STAB2: variants seen among roughly 807,000 people sequenced by gnomAD.
The protein encoded by STAB2 is stabilin-2.
STAB2 carries 288 observed loss-of-function variants against 338.1 expected under a neutral mutation model. That is an observed-to-expected ratio of 0.85 (90% CI 0.77 to 0.94). The LOEUF (loss-of-function observed/expected upper bound fraction) is 0.94. Among genes scored for constraint, STAB2 ranks in the 40% least tolerant of loss-of-function variants. The pLI is 0.00. For missense variants in STAB2, 3,141 were observed against 3,210.1 expected, an observed-to-expected ratio of 0.98 and a Z score of 0.52; for synonymous variants, 1,202 against 1,193.3, an observed-to-expected ratio of 1.01 and a Z score of -0.15.
At chr12:103,726,249 GA>G in intron 46 of STAB2, 86 bp downstream of exon 46, 2 of 1,457,212 alleles carry the variant, frequency 1.4e-6, no homozygotes, top group South Asian at 2.4e-5. Context: ...AACACTTTGG[GA>G]GGCCAAGGCG....
Position 103,677,633 on chromosome 12 carries a change from CAA to C in STAB2, c.2805+24_2805+25del, listed in dbSNP as rs781200634. 12 of 1,596,806 alleles carry C rather than the reference CAA, an allele frequency of 7.5e-6. No homozygotes were observed. The Admixed American group carries it at 1.0e-4, about 13-fold the overall frequency. On this transcript the variant is annotated intron_variant, in intron 25 of 68. Coordinates refer to ENST00000388887, the MANE Select transcript of STAB2 (RefSeq NM_017564.10). The stretch of plus-strand genomic sequence containing the variant: ...GCAGGTAGGTTGGATGTCATGAGAG[CAA>C]AGAGAAAGCAGGAATCCTGCAGTGA...
At chr12:103,687,969 C>A (rs970323588) in intron 27 of STAB2, among the ~76,000 whole-genome samples, 199 bp from the exon 28 acceptor site, 2 of 152,198 alleles carry the variant, frequency 1.3e-5, no homozygotes, top group African/African-American at 2.4e-5. Flanking sequence ...AAGAAATGTG[C>A]GGTTCTGTCA....
chr12:103,627,805 T>C (rs971564030), intron 5 of STAB2, among the ~76,000 whole-genome samples: 2 of 152,252 alleles, frequency 1.3e-5, no homozygotes, highest in Non-Finnish European at 2.9e-5. Context: ...AGGAGCCCTC[T>C]GTGCCCCTCA....
intron 34 of STAB2, among the ~76,000 whole-genome samples, chr12:103,701,390 A>C (rs911022375): frequency 2.0e-5 from 3 of 152,152 alleles, no homozygotes; most frequent in Non-Finnish European, 4.4e-5. Context: ...GGCTGGGTCA[A>C]ATGGTATTTC....
intron 41 of STAB2, among the ~76,000 whole-genome samples, chr12:103,712,857 A>G (rs370928858): frequency 1.9e-4 from 29 of 152,290 alleles, no homozygotes; most frequent in African/African-American, 6.5e-4. Context: ...GGAGCAGACT[A>G]AAAAAGAATT....
Position 103,690,440 on chromosome 12 carries a change from G to A in STAB2, c.3199G>A (p.Gly1067Ser). ...PALIKYHMLL[G>S]TYRVADLQTL... ...TTGTTTCAGGTACCATATGCTACTA[G>A]GCACATACAGAGTGGCAGATCTGCA... The change falls in exon 30 of 69, where the codon GGC (glycine) becomes AGC (serine). Residue 1067 changes from glycine to serine, a missense_variant. By Grantham distance (56) the Gly-to-Ser change is moderately conservative. Transcript: ENST00000388887. The A allele has an allele frequency of 6.2e-7, 1 of 1,613,906 alleles. No individual in the cohort carries two copies. Among genetic ancestry groups the A allele is most frequent in the Admixed American group, 1.7e-5 (1 of 59,996 alleles).
intron 1 of STAB2, among the ~76,000 whole-genome samples, chr12:103,590,457 C>T (rs1956778635): frequency 6.6e-6 from 1 of 152,214 alleles, no homozygotes; most frequent in Non-Finnish European, 1.5e-5. Flanking sequence ...GCAGACATTC[C>T]TGTGGAATCA....
chr12:103,701,837 G>A (rs1878899417), intron 34 of STAB2, among the ~76,000 whole-genome samples: 1 of 152,046 alleles, frequency 6.6e-6, no homozygotes, highest in African/African-American at 2.4e-5. Context: ...AACATTCAGT[G>A]GAAGTTTGAA....
At chr12:103,756,996 AATATATATATATATATATATAT>A (rs869105400) in intron 63 of STAB2, among the ~76,000 whole-genome samples, 3 of 56,382 alleles carry the variant, frequency 5.3e-5, no homozygotes, top group East Asian at 4.9e-4. Context: ...AAGGAGGGAA[AATATATATATATATATATATAT>A]ATATATATAT....
chr12:103,608,432 G>A (rs1028544471), intron 3 of STAB2, among the ~76,000 whole-genome samples: 19 of 152,092 alleles, frequency 1.2e-4, no homozygotes, highest in Admixed American at 7.2e-4. Context: ...ATGAGCCACC[G>A]CGCCCAGCCT....
chr12:103,736,797 T>C (rs1014683042), intron 52 of STAB2, among the ~76,000 whole-genome samples: 4 of 152,150 alleles, frequency 2.6e-5, no homozygotes, highest in Non-Finnish European at 4.4e-5. Flanking sequence ...TTCCTTCCAC[T>C]GAGTCACACT....
intron 19 of STAB2, 108 bp from the exon 20 acceptor site, chr12:103,668,535 G>GT (rs1875388035): frequency 7.0e-6 from 7 of 1,001,316 alleles, no homozygotes; most frequent in Non-Finnish European, 1.1e-5. Flanking sequence ...CTCTCCTGAC[G>GT]TCAGTGGTGA....
intron 18 of STAB2, among the ~76,000 whole-genome samples, chr12:103,665,213 A>G (rs188841741): frequency 1.3e-5 from 2 of 152,348 alleles, no homozygotes; most frequent in South Asian, 2.1e-4. Flanking sequence ...TCTGGAAAGT[A>G]TTTAGGACTA....
intron 30 of STAB2, 101 bp downstream of exon 30, chr12:103,690,639 A>G: frequency 1.0e-6 from 1 of 969,226 alleles, no homozygotes; most frequent in South Asian, 1.7e-5. Context: ...AACATGCGCA[A>G]AACTACAGAG....
chr12:103,666,202 G>T (rs867546397), intron 18 of STAB2, 89 bp from the exon 19 acceptor site: 11 of 1,306,786 alleles, frequency 8.4e-6, no homozygotes, highest in Non-Finnish European at 9.9e-6. Flanking sequence ...TTCCTTCACA[G>T]GGAGGGAAGC....
At chr12:103,675,372 A>G (rs1457822400) in intron 23 of STAB2, among the ~76,000 whole-genome samples, 2 of 152,224 alleles carry the variant, frequency 1.3e-5, no homozygotes, top group Non-Finnish European at 2.9e-5. Flanking sequence ...TGTTGGGGGA[A>G]AAAACCTCTG....
At chr12:103,646,981 C>T (rs1873383740) in intron 9 of STAB2, among the ~76,000 whole-genome samples, 2 of 152,110 alleles carry the variant, frequency 1.3e-5, no homozygotes, top group Non-Finnish European at 2.9e-5. Context: ...GACAAACAGG[C>T]TGAGAAAGGC....
chr12:103,676,315 C>T (rs1053178461), intron 24 of STAB2, among the ~76,000 whole-genome samples: 18 of 151,806 alleles, frequency 1.2e-4, no homozygotes, highest in Admixed American at 1.1e-3. Context: ...CCTTGGCCTC[C>T]CAAAGTGCTA....
intron 33 of STAB2, among the ~76,000 whole-genome samples, chr12:103,698,894 G>A (rs538144636): frequency 6.6e-6 from 1 of 152,154 alleles, no homozygotes; most frequent in Non-Finnish European, 1.5e-5. Flanking sequence ...TGTGCTATCT[G>A]GAAAATTTGT....
Sources: gnomAD v4.1 joint callset for allele counts (sites outside exome capture counted in the v4.1 genomes callset) on GRCh38, gnomAD v4.1.1 for gene constraint, MANE v1.5 for transcripts, NCBI Gene and HGNC (gene_info 2026-07-23, HGNC 2026-07-21) for gene names.